LRBA: variants seen among roughly 807,000 people sequenced by gnomAD.
LRBA encodes the protein lipopolysaccharide-responsive and beige-like anchor protein.
A neutral mutation model predicts 330.0 loss-of-function variants in LRBA; 176 were observed. The observed-to-expected ratio is 0.53, with a 90% CI of 0.47 to 0.60. LRBA has a LOEUF of 0.60. Ranked by LOEUF, LRBA falls within the 20% of genes least tolerant of loss-of-function variation. The probability of loss-of-function intolerance (pLI) is 0.00; values close to 1 mark genes in which losing one functional copy is unlikely to be tolerated. For missense variants in LRBA, 3,259 were observed against 3,444.8 expected (o/e 0.95, Z 1.35); for synonymous variants, 1,230 against 1,193.0 (o/e 1.03, Z -0.64).
chr4:150,265,337 C>G lies in LRBA; in HGVS notation c.*385G>C, dbSNP rs912026885. 6.2e-6 allele frequency: 1 copy of G among 160,600 alleles called. No individual in the cohort carries two copies. Among genetic ancestry groups the G allele is most frequent in the Non-Finnish European group, 1.4e-5 (1 of 72,518 alleles). 9.9% of individuals were successfully genotyped at this position (160,600 alleles called of 1,614,324 possible). A position where few individuals can be genotyped will look rare whatever the true frequency, so the allele number is the denominator to read the frequency against. On this transcript the variant is annotated 3_prime_UTR_variant, in exon 57 of 57. Transcript: ENST00000651943. ...ATTACAGCATCAAATTTTCCTATTC[C>G]AATATTGTAACCCACTTCCCCACTG...
intron 36 of LRBA, among the ~76,000 whole-genome samples, chr4:150,700,251 T>C (rs766233586): frequency 1.3e-5 from 2 of 152,162 alleles, no homozygotes; most frequent in Admixed American, 1.3e-4. Context: ...TATATAGTCA[T>C]GCATGGCTTA....
intron 47 of LRBA, among the ~76,000 whole-genome samples, chr4:150,371,231 C>T (rs898214996): frequency 2.6e-5 from 3 of 114,322 alleles, no homozygotes; most frequent in African/African-American, 1.1e-4. Flanking sequence ...CTCACTCTGT[C>T]ACCCAGCCTG....
At chr4:150,835,591 A>G (rs957363288) in intron 28 of LRBA, among the ~76,000 whole-genome samples, 4 of 151,938 alleles carry the variant, frequency 2.6e-5, no homozygotes, top group African/African-American at 9.7e-5. Flanking sequence ...TTCACTCATG[A>G]TTTGGCTGTT....
At chr4:150,998,161 G>C (rs1315197072) in intron 2 of LRBA, among the ~76,000 whole-genome samples, 2 of 151,760 alleles carry the variant, frequency 1.3e-5, no homozygotes, top group Admixed American at 6.6e-5. Flanking sequence ...GGACTGGCCT[G>C]ACCAAGATGG....
At chr4:150,266,980 G>A (rs1158233295) in intron 56 of LRBA, among the ~76,000 whole-genome samples, 1 of 152,168 alleles carries the variant, frequency 6.6e-6, no homozygotes, top group Non-Finnish European at 1.5e-5. Flanking sequence ...ACTACACTGA[G>A]AAAAGGGTAA....
intron 17 of LRBA, among the ~76,000 whole-genome samples, chr4:150,890,220 C>T (rs1729324183): frequency 1.3e-5 from 2 of 152,042 alleles, no homozygotes; most frequent in African/African-American, 4.8e-5. Flanking sequence ...TCTGAAGGAA[C>T]AAAGAAATGT....
chr4:150,800,704 G>A (rs574664486), intron 33 of LRBA, among the ~76,000 whole-genome samples: 28 of 152,164 alleles, frequency 1.8e-4, no homozygotes, highest in Admixed American at 3.3e-4. Context: ...CAAAAGAAAC[G>A]AAGTACTGCA....
chr4:150,959,377 G>T lies in LRBA; in HGVS notation c.217-30312C>A, dbSNP rs1159650342. Among the ~76,000 whole-genome samples the T allele has an allele frequency of 4.7e-5, 7 of 149,062 alleles. 1 individual carries two copies. The highest frequency in any genetic ancestry group is 1.8e-4 in the African/African-American group (7 of 38,508). On this transcript the variant is annotated intron_variant, in intron 2 of 56. Coordinates refer to ENST00000651943, the MANE Select transcript of LRBA (RefSeq NM_001364905.1). ...ACAATTCAAGAAAGATTTTGGTGGG[G>T]ACACAGCCAAGCCATTATGATAGCT...
chr4:150,662,726 G>A (rs1386968993), intron 37 of LRBA, among the ~76,000 whole-genome samples: 1 of 152,214 alleles, frequency 6.6e-6, no homozygotes, highest in African/African-American at 2.4e-5. Context: ...CCAGCATTTA[G>A]GAGGCTGAGG....
intron 36 of LRBA, among the ~76,000 whole-genome samples, chr4:150,689,198 C>T (rs571585693): frequency 2.6e-4 from 40 of 152,266 alleles, no homozygotes; most frequent in Admixed American, 2.4e-3. Flanking sequence ...TCTCAGCAAA[C>T]TAACACCAGA....
chr4:150,507,776 T>C (rs1015694854), intron 40 of LRBA, among the ~76,000 whole-genome samples: 1 of 151,978 alleles, frequency 6.6e-6, no homozygotes, highest in African/African-American at 2.4e-5. Flanking sequence ...GAAACTACCA[T>C]CAGAGTGAAC....
At chr4:150,905,451 C>G (rs993770336) in intron 13 of LRBA, among the ~76,000 whole-genome samples, 1 of 151,622 alleles carries the variant, frequency 6.6e-6, no homozygotes, top group Non-Finnish European at 1.5e-5. Flanking sequence ...AACAAAGCTA[C>G]AGTTACTAGG....
intron 42 of LRBA, among the ~76,000 whole-genome samples, chr4:150,483,111 T>C (rs969983007): frequency 1.3e-5 from 2 of 152,132 alleles, no homozygotes; most frequent in Non-Finnish European, 2.9e-5. Context: ...GTTCTACTTT[T>C]AGCACTTACG....
At chr4:150,471,573 G>A (rs1756133354) in intron 43 of LRBA, 51 bp downstream of exon 43, 4 of 1,053,826 alleles carry the variant, frequency 3.8e-6, no homozygotes, top group Admixed American at 2.3e-5. Flanking sequence ...TCTAACAATT[G>A]AAATTAATAA....
At chr4:150,666,997 A>T (rs1326529345) in intron 37 of LRBA, among the ~76,000 whole-genome samples, 2 of 152,228 alleles carry the variant, frequency 1.3e-5, no homozygotes, top group Non-Finnish European at 2.9e-5. Flanking sequence ...ACTAAGTGGT[A>T]CTGAAAACAC....
At chr4:150,268,916 C>T (rs980799335) in intron 56 of LRBA, among the ~76,000 whole-genome samples, 5 of 152,050 alleles carry the variant, frequency 3.3e-5, no homozygotes, top group African/African-American at 9.7e-5. Context: ...AAAAAAGTAT[C>T]CAAATTGGAA....
At chr4:150,613,622 T>C (rs1026063048) in intron 37 of LRBA, among the ~76,000 whole-genome samples, 18 of 152,342 alleles carry the variant, frequency 1.2e-4, no homozygotes, top group African/African-American at 4.3e-4. Flanking sequence ...TGTGTGATTT[T>C]TTTCAGGCCT....
intron 34 of LRBA, among the ~76,000 whole-genome samples, chr4:150,775,400 T>A (rs1017945944): frequency 1.3e-5 from 2 of 151,006 alleles, no homozygotes; most frequent in Non-Finnish European, 2.9e-5. Context: ...TATGAATTAG[T>A]GATCCACAAA....
At chr4:150,605,822 C>G (rs1213694545) in intron 37 of LRBA, among the ~76,000 whole-genome samples, 1 of 152,010 alleles carries the variant, frequency 6.6e-6, no homozygotes, top group Non-Finnish European at 1.5e-5. Context: ...CTCTGTTTAC[C>G]AAGTACCAAC....
Sources: gnomAD v4.1 joint callset for allele counts (sites outside exome capture counted in the v4.1 genomes callset) on GRCh38, gnomAD v4.1.1 for gene constraint, MANE v1.5 for transcripts, NCBI Gene and HGNC (gene_info 2026-07-23, HGNC 2026-07-21) for gene names.